SLC25A48: variants seen among roughly 807,000 people sequenced by gnomAD.
SLC25A48 encodes the protein solute carrier family 25 member 48.
A neutral mutation model predicts 32.2 loss-of-function variants in SLC25A48; 29 were observed. The ratio of observed to expected loss-of-function variants is 0.90; its 90% CI spans 0.67 to 1.23. The LOEUF is 1.23. Ranked by LOEUF, SLC25A48 falls within the 50% of genes most tolerant of loss-of-function variation. The probability of loss-of-function intolerance (pLI) is 0.00; values close to 1 mark genes in which losing one functional copy is unlikely to be tolerated. For missense variants in SLC25A48, 399 were observed against 422.7 expected, an observed-to-expected ratio of 0.94 and a Z score of 0.49; for synonymous variants, 164 against 172.3, an observed-to-expected ratio of 0.95 and a Z score of 0.38.
rs1580736104 is a variant in SLC25A48 at position 135,629,654 on chromosome 5, G to A, written c.-709+278G>A. On this transcript the variant is annotated intron_variant, in intron 2 of 10. Coordinates refer to the SLC25A48 transcript ENST00000646290. This position sits in a 1 kb window ranked among gnomAD's most constrained non-coding sequence, Gnocchi z 4.8. ...CTGTGGGCGCCTGAGGATGCATCAG[G>A]CTCAACAGCTCTGGAAGACGGTGTG... 4.6e-5 allele frequency among the ~76,000 whole-genome samples: 7 copies of A among 152,324 alleles called. 1 individual carries two copies. Among genetic ancestry groups the A allele is most frequent in the Admixed American group, 4.6e-4 (7 of 15,312 alleles).
intron 2 of SLC25A48, among the ~76,000 whole-genome samples, chr5:135,633,564 T>A (rs1052186304): frequency 2.0e-5 from 3 of 151,804 alleles, no homozygotes; most frequent in African/African-American, 7.3e-5. Context: ...GTCTCTTGAT[T>A]TTGGATTTCA....
chr5:135,816,100 A>G (rs1313931522), intron 4 of SLC25A48, among the ~76,000 whole-genome samples: 1 of 152,114 alleles, frequency 6.6e-6, no homozygotes, highest in Non-Finnish European at 1.5e-5. Flanking sequence ...GCGTGCAGGG[A>G]AAGCTGCTAT....
At chr5:135,878,806 G>A (rs148254416) in intron 6 of SLC25A48, among the ~76,000 whole-genome samples, 38 of 152,266 alleles carry the variant, frequency 2.5e-4, no homozygotes, top group African/African-American at 8.2e-4. Context: ...AGTCATTTAC[G>A]TTTGTGTGGG....
At chr5:135,813,520 G>A (rs1757639992) in intron 4 of SLC25A48, among the ~76,000 whole-genome samples, 1 of 152,072 alleles carries the variant, frequency 6.6e-6, no homozygotes, top group Non-Finnish European at 1.5e-5. Flanking sequence ...GAGGGAAGGA[G>A]AGCTATAAGA....
intron 3 of SLC25A48, among the ~76,000 whole-genome samples, chr5:135,779,397 A>G (rs1756662930): frequency 6.6e-6 from 1 of 151,590 alleles, no homozygotes; most frequent in Admixed American, 6.6e-5. Flanking sequence ...TGTTCCTAAT[A>G]TTCAGGGGGG....
intron 3 of SLC25A48, among the ~76,000 whole-genome samples, chr5:135,804,636 G>A (rs1757421819): frequency 6.6e-6 from 1 of 151,512 alleles, no homozygotes. Flanking sequence ...TTTACACCCT[G>A]TGATATTATT....
intron 1 of SLC25A48, among the ~76,000 whole-genome samples, chr5:135,601,382 T>C (rs1447052050): frequency 6.6e-6 from 1 of 152,206 alleles, no homozygotes; most frequent in Non-Finnish European, 1.5e-5. Flanking sequence ...TACCTCTTGC[T>C]GCCATCCTGG....
chr5:135,701,376 C>T (rs1010116076), intron 3 of SLC25A48, among the ~76,000 whole-genome samples: 5 of 152,170 alleles, frequency 3.3e-5, no homozygotes, highest in African/African-American at 1.2e-4. Flanking sequence ...ACCCTGTTCT[C>T]ACCCTCCTTG....
intron 3 of SLC25A48, among the ~76,000 whole-genome samples, chr5:135,798,226 C>T (rs1355646945): frequency 6.6e-6 from 1 of 151,538 alleles, no homozygotes; most frequent in Non-Finnish European, 1.5e-5. Context: ...TAACATTATT[C>T]CTAATTACTC....
At chr5:135,705,640 C>T (rs767021589) in intron 3 of SLC25A48, among the ~76,000 whole-genome samples, 9 of 152,252 alleles carry the variant, frequency 5.9e-5, no homozygotes, top group Admixed American at 2.0e-4. Context: ...CATAAAAGTA[C>T]CTGTATATAG....
intron 3 of SLC25A48, chr5:135,649,383 G>T (rs1188118639): frequency 6.6e-6 from 1 of 152,226 alleles, no homozygotes. Context: ...TTCATCAAGT[G>T]TTGACTGAGT....
intron 3 of SLC25A48, among the ~76,000 whole-genome samples, chr5:135,763,164 G>T (rs921888252): frequency 6.6e-6 from 1 of 152,122 alleles, no homozygotes; most frequent in Middle Eastern, 3.2e-3. Flanking sequence ...TCACAGCCTG[G>T]CATGGGAGGA....
intron 4 of SLC25A48, among the ~76,000 whole-genome samples, chr5:135,818,379 G>A (rs1757792127): frequency 6.6e-6 from 1 of 152,158 alleles, no homozygotes; most frequent in Non-Finnish European, 1.5e-5. Flanking sequence ...GCATGAGTGG[G>A]ATAGATCTAA....
chr5:135,887,739 T>C (rs902244931), intron 7 of SLC25A48, among the ~76,000 whole-genome samples: 9 of 151,444 alleles, frequency 5.9e-5, no homozygotes, highest in African/African-American at 2.2e-4. Context: ...AGGGAGGCCT[T>C]CCCCTTGGGT....
At chr5:135,600,300 C>T (rs549518323) in intron 1 of SLC25A48, among the ~76,000 whole-genome samples, 1 of 152,320 alleles carries the variant, frequency 6.6e-6, no homozygotes, top group South Asian at 2.1e-4. Flanking sequence ...GGGCCCTCAT[C>T]CCTACATTCT....
intron 1 of SLC25A48, among the ~76,000 whole-genome samples, chr5:135,838,547 A>G (rs914438133): frequency 2.0e-5 from 3 of 152,160 alleles, no homozygotes; most frequent in African/African-American, 4.8e-5. Context: ...CCCATCACAG[A>G]CTCAGAGGCC....
chr5:135,757,201 T>C (rs1755935671), intron 3 of SLC25A48, among the ~76,000 whole-genome samples: 1 of 149,992 alleles, frequency 6.7e-6, no homozygotes, highest in Non-Finnish European at 1.5e-5. Context: ...ATTATATTAA[T>C]GTCATCTATA....
At chr5:135,810,055 C>G (rs1200299386) in intron 3 of SLC25A48, among the ~76,000 whole-genome samples, 1 of 152,172 alleles carries the variant, frequency 6.6e-6, no homozygotes, top group African/African-American at 2.4e-5. Flanking sequence ...CCAGGCTAGT[C>G]TCAAACTCCT....
chr5:135,595,498 G>C (rs1191138379), intron 1 of SLC25A48, among the ~76,000 whole-genome samples: 1 of 152,178 alleles, frequency 6.6e-6, no homozygotes, highest in Non-Finnish European at 1.5e-5. Flanking sequence ...ACTCCCCCTT[G>C]GCAAGTTAGA....
Sources: allele counts gnomAD v4.1 joint callset (sites outside exome capture counted in the v4.1 genomes callset), GRCh38; gene constraint gnomAD v4.1.1; non-coding constraint Gnocchi (gnomAD v3.1); transcripts MANE v1.5; gene names NCBI Gene and HGNC (gene_info 2026-07-23, HGNC 2026-07-21).